Variants in NLRP5 observed in about 807,000 individuals in gnomAD.
The protein encoded by NLRP5 is NLR family pyrin domain containing 5.
In NLRP5, 93 loss-of-function variants were observed where a neutral mutation model predicts 113.1. That is an observed-to-expected ratio of 0.82 (90% confidence interval 0.70 to 0.98). The LOEUF is 0.98. NLRP5 is among the 50% of genes least tolerant of loss of function. The probability of loss-of-function intolerance (pLI) is 0.00; values close to 1 mark genes in which losing one functional copy is unlikely to be tolerated. For synonymous variants in NLRP5, 751 were observed against 600.7 expected, an observed-to-expected ratio of 1.25 and a Z score of -3.66; for missense variants, 1,808 against 1,514.3, an observed-to-expected ratio of 1.19 and a Z score of -3.22.
intron 2 of NLRP5, among the ~76,000 whole-genome samples, chr19:56,007,981 T>C (rs546644675): frequency 0.25 from 29,095 of 117,240 alleles, 5,553 homozygotes; most frequent in Non-Finnish European, 0.31. Context: ...TGTCGCCCAG[T>C]GCAGTGGCGC....
chr19:56,003,612 A>G, intron 1 of NLRP5, 124 bp from the exon 2 acceptor site: 1 of 1,188,498 alleles, frequency 8.4e-7, no homozygotes, highest in Non-Finnish European at 1.2e-6. Flanking sequence ...GTGGCAACAA[A>G]TGCTTCGTCC....
intron 3 of NLRP5, among the ~76,000 whole-genome samples, chr19:56,013,596 G>GTTTTTTTTTTTTTTTTTTT (rs71183002): frequency 0.015 from 878 of 59,066 alleles, 117 homozygotes; most frequent in Non-Finnish European, 0.016. Context: ...GGACATTTGG[G>GTTTTTTTTTTTTTTTTTTT]TTTTTTTTTT....
At chr19:56,059,291 A>G (rs1984266829) in intron 14 of NLRP5, among the ~76,000 whole-genome samples, 2 of 152,190 alleles carry the variant, frequency 1.3e-5, no homozygotes, top group South Asian at 2.1e-4. Flanking sequence ...GTTCTTCAGG[A>G]CCATCTCTTA....
intron 2 of NLRP5, among the ~76,000 whole-genome samples, chr19:56,007,100 C>G (rs909150931): frequency 1.3e-5 from 2 of 151,382 alleles, no homozygotes; most frequent in Non-Finnish European, 2.9e-5. Flanking sequence ...CCGTGGCTCA[C>G]GCCTGTAATC....
intron 4 of NLRP5, among the ~76,000 whole-genome samples, chr19:56,018,385 G>C (rs1599885574): frequency 6.6e-6 from 1 of 152,108 alleles, no homozygotes; most frequent in African/African-American, 2.4e-5. Flanking sequence ...TATATATAGT[G>C]GTTATTCTCA....
intron 3 of NLRP5, among the ~76,000 whole-genome samples, chr19:56,012,880 C>T (rs1050237652): frequency 6.6e-5 from 10 of 152,042 alleles, no homozygotes; most frequent in African/African-American, 2.4e-4. Context: ...GGTCTGTAAT[C>T]TCTTTATATA....
chr19:56,026,983 T>C lies in NLRP5; in HGVS notation c.750T>C (p.Arg250=). ...AATTCGCTGAGGAGGAGGATGTACGTCGTAGTTTTGAAAACACTGCTGCTG... is the reference window on the plus strand; with the variant it reads ...AATTCGCTGAGGAGGAGGATGTACGCCGTAGTTTTGAAAACACTGCTGCTG... Residue 250 remains arginine (R), a synonymous_variant, in exon 7 of 15, where the codon CGT becomes CGC. Coordinates refer to ENST00000390649, the MANE Select transcript of NLRP5 (RefSeq NM_153447.4). The C allele has an allele frequency of 6.4e-7, 1 of 1,551,776 alleles. No homozygotes were observed. Among genetic ancestry groups the C allele is most frequent in the Non-Finnish European group, 8.7e-7 (1 of 1,147,002 alleles).
intron 3 of NLRP5, among the ~76,000 whole-genome samples, chr19:56,013,758 A>T (rs1394594277): frequency 6.6e-6 from 1 of 151,980 alleles, no homozygotes; most frequent in Non-Finnish European, 1.5e-5. Context: ...GCTCTGCCAA[A>T]TGGTTTTTCT....
chr19:56,019,570 GCTA>G (rs1395033956), intron 5 of NLRP5, among the ~76,000 whole-genome samples, 172 bp downstream of exon 5: 2 of 152,176 alleles, frequency 1.3e-5, no homozygotes, highest in East Asian at 3.9e-4. Flanking sequence ...CATGGATAGA[GCTA>G]CGCAAGTTCA....
chr19:56,036,054 G>GTTTTTTT (rs1328680313), intron 9 of NLRP5, among the ~76,000 whole-genome samples: 1 of 111,986 alleles, frequency 8.9e-6, no homozygotes, highest in African/African-American at 3.9e-5. Flanking sequence ...AATGAATTGA[G>GTTTTTTT]ATTCTTTTTT....
At chr19:55,989,748 G>A in the NLRP5 span, among the ~76,000 whole-genome samples, 1 of 152,192 alleles carries the variant, frequency 6.6e-6, no homozygotes, top group Non-Finnish European at 1.5e-5. Flanking sequence ...AGGATGCAGG[G>A]CACGTTGGTG....
chr19:56,030,937 C>T (rs1331450982), intron 7 of NLRP5, among the ~76,000 whole-genome samples: 1 of 151,804 alleles, frequency 6.6e-6, no homozygotes, highest in Non-Finnish European at 1.5e-5. Context: ...TGGTCTTGAA[C>T]TCCTGACCTT....
intron 13 of NLRP5, among the ~76,000 whole-genome samples, chr19:56,054,643 A>C (rs1048499474): frequency 2.6e-5 from 4 of 151,890 alleles, no homozygotes; most frequent in African/African-American, 9.7e-5. Context: ...GAGTGAAAGA[A>C]GCCAGCCACA....
chr19:56,020,496 G>A, intron 6 of NLRP5, 65 bp downstream of exon 6: 2 of 1,519,910 alleles, frequency 1.3e-6, no homozygotes, highest in Non-Finnish European at 1.8e-6. Context: ...AGAAGTGTAA[G>A]TAGTTTAGAT....
At chr19:56,024,438 CATATATTT>C (rs1274512042) in intron 6 of NLRP5, among the ~76,000 whole-genome samples, 2 of 141,100 alleles carry the variant, frequency 1.4e-5, no homozygotes, top group Non-Finnish European at 3.0e-5. Flanking sequence ...TACACATATA[CATATATTT>C]ATATATACGT....
intron 6 of NLRP5, among the ~76,000 whole-genome samples, chr19:56,021,655 G>T (rs919330687): frequency 1.3e-5 from 2 of 152,142 alleles, no homozygotes; most frequent in African/African-American, 4.8e-5. Context: ...TCAGCACTTC[G>T]TTTTTGTTGC....
At chr19:56,054,284 A>T (rs1484791247) in intron 13 of NLRP5, among the ~76,000 whole-genome samples, 2 of 152,140 alleles carry the variant, frequency 1.3e-5, no homozygotes, top group Non-Finnish European at 2.9e-5. Context: ...GAGGCTGGGC[A>T]CAGGGGCTCA....
rs114894052 is a variant in NLRP5, at chr19:56,012,707, T to C, written c.509-3035T>C. Among the ~76,000 whole-genome samples, 1,347 of 151,986 alleles carry C rather than the reference T, an allele frequency of 8.9e-3. 20 individuals are homozygous for C. The highest frequency in any genetic ancestry group is 0.03 in the African/African-American group (1,262 of 41,456). The stretch of plus-strand genomic sequence containing the variant: ...ATCTTACAATTATTTTCCCAGAACC[T>C]GATATTGTAATGAATGACACTTACA... On this transcript the variant is annotated intron_variant, in intron 3 of 14. Coordinates refer to ENST00000390649, the MANE Select transcript of NLRP5 (RefSeq NM_153447.4).
intron 11 of NLRP5, among the ~76,000 whole-genome samples, chr19:56,042,767 A>T (rs1283953582): frequency 6.6e-6 from 1 of 152,246 alleles, no homozygotes; most frequent in South Asian, 2.1e-4. Flanking sequence ...TCTTCCCCCA[A>T]AATCCCCAAA....
Sources: gnomAD v4.1 joint callset for allele counts (sites outside exome capture counted in the v4.1 genomes callset) on GRCh38, gnomAD v4.1.1 for gene constraint, MANE v1.5 for transcripts, NCBI Gene and HGNC (gene_info 2026-07-23, HGNC 2026-07-21) for gene names.